The following SNX7 variants were observed in gnomAD, a reference collection of about 807,000 sequenced individuals.
The protein encoded by SNX7 is sorting nexin-7.
SNX7 carries 35 observed loss-of-function variants against 48.4 expected under a neutral mutation model. The observed-to-expected ratio is 0.72, with a 90% CI of 0.55 to 0.96. The LOEUF (loss-of-function observed/expected upper bound fraction) is 0.96. Among genes scored for constraint, SNX7 ranks in the 40% least tolerant of loss-of-function variants. The pLI, the probability that SNX7 is intolerant of heterozygous loss-of-function variation, is 0.00. For missense variants in SNX7, 553 were observed against 548.9 expected (o/e 1.01, Z -0.07); for synonymous variants, 190 against 190.2 (o/e 1.00, Z 0.01).
chr1:98,743,537 T>A (rs1654175804), intron 8 of SNX7, among the ~76,000 whole-genome samples: 1 of 152,064 alleles, frequency 6.6e-6, no homozygotes, highest in South Asian at 2.1e-4. Flanking sequence ...TACAAGGGTA[T>A]CTGTCTAGCC....
At chr1:98,701,602 T>C (rs1021927520) in intron 6 of SNX7, among the ~76,000 whole-genome samples, 4 of 151,824 alleles carry the variant, frequency 2.6e-5, no homozygotes, top group African/African-American at 9.7e-5. Flanking sequence ...AATAAAACAT[T>C]TATAGGAAAA....
intron 1 of SNX7, among the ~76,000 whole-genome samples, chr1:98,664,887 A>G (rs2100898515): frequency 6.6e-6 from 1 of 152,308 alleles, no homozygotes; most frequent in East Asian, 1.9e-4. Context: ...AAAAAATAAA[A>G]AAGATACACA....
intron 7 of SNX7, among the ~76,000 whole-genome samples, chr1:98,708,199 C>T (rs746982691): frequency 6.6e-6 from 1 of 152,148 alleles, no homozygotes; most frequent in Non-Finnish European, 1.5e-5. Context: ...GTGTCTGTCT[C>T]TCATGCACAG....
intron 4 of SNX7, among the ~76,000 whole-genome samples, chr1:98,693,822 G>T (rs957891778): frequency 6.6e-6 from 1 of 152,114 alleles, no homozygotes. Flanking sequence ...ATTTTTATCT[G>T]TAAATTAGGT....
chr1:98,676,304 A>C (rs144826037), intron 1 of SNX7, among the ~76,000 whole-genome samples: 1,538 of 152,272 alleles, frequency 0.01, 12 homozygotes, highest in Non-Finnish European at 0.016. Context: ...AGAATTCATT[A>C]TACCCTCCCA....
intron 7 of SNX7, among the ~76,000 whole-genome samples, chr1:98,728,511 G>A (rs1653313367): frequency 6.6e-6 from 1 of 152,146 alleles, no homozygotes; most frequent in South Asian, 2.1e-4. Flanking sequence ...TGTCAAGCTG[G>A]ACAAAGAGTC....
chr1:98,687,417 A>C (rs1487586346), intron 2 of SNX7, among the ~76,000 whole-genome samples: 1 of 152,086 alleles, frequency 6.6e-6, no homozygotes, highest in Non-Finnish European at 1.5e-5. Flanking sequence ...GACTATATCT[A>C]TATATACAGA....
At chr1:98,669,974 A>G (rs1649758620) in intron 1 of SNX7, among the ~76,000 whole-genome samples, 1 of 152,236 alleles carries the variant, frequency 6.6e-6, no homozygotes, top group South Asian at 2.1e-4. Context: ...TACAGAATAA[A>G]TACATAAATG....
chr1:98,695,793 G>C, intron 5 of SNX7, 77 bp downstream of exon 5: 1 of 1,018,474 alleles, frequency 9.8e-7, no homozygotes, highest in South Asian at 1.4e-5. Context: ...GTGTAATATA[G>C]CAACATTCAG....
chr1:98,703,480 C>T (rs940652637), intron 7 of SNX7, among the ~76,000 whole-genome samples: 8 of 151,804 alleles, frequency 5.3e-5, no homozygotes, highest in African/African-American at 1.9e-4. Context: ...GAGTGGTGGG[C>T]TGCTGTAGAC....
At chr1:98,697,451 C>T (rs1651518502) in intron 5 of SNX7, among the ~76,000 whole-genome samples, 1 of 151,886 alleles carries the variant, frequency 6.6e-6, no homozygotes, top group Admixed American at 6.6e-5. Flanking sequence ...ACGGTCACTG[C>T]TTATAAATTT....
intron 7 of SNX7, among the ~76,000 whole-genome samples, chr1:98,731,613 C>T (rs1204991008): frequency 6.6e-6 from 1 of 152,094 alleles, no homozygotes; most frequent in Non-Finnish European, 1.5e-5. Flanking sequence ...GTAGAGTATA[C>T]TTACACAGCC....
chr1:98,713,094 G>GAA (rs56653679), intron 7 of SNX7, among the ~76,000 whole-genome samples: 2,318 of 129,760 alleles, frequency 0.018, 64 homozygotes, highest in African/African-American at 0.063. Context: ...TCTGTCTCAG[G>GAA]AAAAAAAAAA....
intron 1 of SNX7, among the ~76,000 whole-genome samples, chr1:98,663,250 CTGGTTTTTTTTTTTTTTTTTT>C (rs1649348050): frequency 3.8e-5 from 2 of 52,192 alleles, no homozygotes; most frequent in Non-Finnish European, 6.3e-5. Flanking sequence ...GGGTTTCTTT[CTGGTTTTTTTTTTTTTTTTTT>C]TTTTTTTTTT....
intron 8 of SNX7, among the ~76,000 whole-genome samples, chr1:98,745,474 G>C (rs527705581): frequency 6.6e-6 from 1 of 151,944 alleles, no homozygotes; most frequent in Non-Finnish European, 1.5e-5. Context: ...GGAGACAGAC[G>C]CCCTGATGGT....
intron 8 of SNX7, among the ~76,000 whole-genome samples, chr1:98,745,149 T>C (rs1239729218): frequency 6.6e-6 from 1 of 152,070 alleles, no homozygotes; most frequent in African/African-American, 2.4e-5. Context: ...CAGCATAGTT[T>C]TGAGCCTAAG....
chr1:98,680,154 T>C (rs1191514901), intron 1 of SNX7, among the ~76,000 whole-genome samples: 11 of 152,284 alleles, frequency 7.2e-5, no homozygotes, highest in Non-Finnish European at 8.8e-5. Flanking sequence ...GCATTGTCTG[T>C]CCCAACACTG....
intron 7 of SNX7, among the ~76,000 whole-genome samples, chr1:98,714,614 A>G (rs1479796038): frequency 1.3e-5 from 2 of 152,202 alleles, no homozygotes; most frequent in African/African-American, 4.8e-5. Context: ...GACCTTGAGA[A>G]GAGAGCTGAA....
intron 1 of SNX7, among the ~76,000 whole-genome samples, chr1:98,683,702 T>C (rs1650628403): frequency 6.6e-6 from 1 of 152,202 alleles, no homozygotes; most frequent in Non-Finnish European, 1.5e-5. Context: ...TTCTGTTGTT[T>C]GTAAGCTACC....
Sources: allele counts gnomAD v4.1 joint callset (sites outside exome capture counted in the v4.1 genomes callset), GRCh38; gene constraint gnomAD v4.1.1; transcripts MANE v1.5; gene names NCBI Gene and HGNC (gene_info 2026-07-23, HGNC 2026-07-21).